Variants in CNTNAP5 observed in about 807,000 individuals in gnomAD.
CNTNAP5 encodes the protein contactin associated protein family member 5.
In CNTNAP5, 72 loss-of-function variants were observed where a neutral mutation model predicts 150.2. The ratio of observed to expected loss-of-function variants is 0.48; its 90% CI spans 0.40 to 0.58. The LOEUF (loss-of-function observed/expected upper bound fraction) is 0.58, where lower values mean the gene tolerates loss of function less well. Among genes scored for constraint, CNTNAP5 ranks in the 20% least tolerant of loss-of-function variants. The pLI is 0.00. For synonymous variants in CNTNAP5, 672 were observed against 619.8 expected (o/e 1.08, Z -1.25); for missense variants, 1,636 against 1,626.2 (o/e 1.01, Z -0.10).
chr2:124,044,889 AACACACAC>A (rs147761848), intron 1 of CNTNAP5, among the ~76,000 whole-genome samples: 29,039 of 143,928 alleles, frequency 0.2, 2,919 homozygotes, highest in Non-Finnish European at 0.21. Context: ...GTAGTGAGGA[AACACACAC>A]ACACACACAC....
In CNTNAP5 at chr2:124,246,455, G is replaced by A. The variant is rs146378975; in HGVS notation, c.381+4062G>A. 3.4e-3 allele frequency among the ~76,000 whole-genome samples: 518 copies of A among 152,172 alleles called. 3 individuals carry two copies. The highest frequency in any genetic ancestry group is 0.011 in the African/African-American group (444 of 41,522). On this transcript the variant is annotated intron_variant, in intron 3 of 23. Transcript: ENST00000682447. ...GGGACAAACCCTGCAACAATGTTCA[G>A]AATCTTAGCAGCTCCAAAACCTCTT...
At chr2:124,854,225 G>C (rs892596909) in intron 19 of CNTNAP5, among the ~76,000 whole-genome samples, 3 of 151,882 alleles carry the variant, frequency 2.0e-5, no homozygotes, top group Non-Finnish European at 4.4e-5. Flanking sequence ...CTGCTTATAC[G>C]TCCATTCCTC....
chr2:124,509,138 C>G (rs963537070), intron 8 of CNTNAP5, among the ~76,000 whole-genome samples: 1 of 152,174 alleles, frequency 6.6e-6, no homozygotes, highest in Non-Finnish European at 1.5e-5. Context: ...AATGATGCCT[C>G]ACACCTTCAA....
At chr2:124,209,168 A>C (rs549041228) in intron 1 of CNTNAP5, among the ~76,000 whole-genome samples, 25 of 152,276 alleles carry the variant, frequency 1.6e-4, no homozygotes, top group African/African-American at 5.8e-4. Flanking sequence ...TCAAGGCCCT[A>C]CACAACCAGG....
At chr2:124,070,622 CAAAGT>C (rs1346660196) in intron 1 of CNTNAP5, among the ~76,000 whole-genome samples, 1 of 151,606 alleles carries the variant, frequency 6.6e-6, no homozygotes, top group South Asian at 2.1e-4. Flanking sequence ...ATAATGATAA[CAAAGT>C]AAATACAGGA....
chr2:124,150,669 AAAAG>A (rs1225805585), intron 1 of CNTNAP5, among the ~76,000 whole-genome samples: 2 of 152,152 alleles, frequency 1.3e-5, no homozygotes, highest in Non-Finnish European at 2.9e-5. Flanking sequence ...GAGAAAAAGA[AAAAG>A]AAAGAGAAAG....
chr2:124,479,808 T>TC (rs1693724908), intron 7 of CNTNAP5, among the ~76,000 whole-genome samples: 1 of 152,164 alleles, frequency 6.6e-6, no homozygotes, highest in Non-Finnish European at 1.5e-5. Flanking sequence ...AGGTTGTTCA[T>TC]CCCCACTCCA....
At chr2:124,873,224 C>T (rs550602717) in intron 21 of CNTNAP5, among the ~76,000 whole-genome samples, 3 of 151,968 alleles carry the variant, frequency 2.0e-5, no homozygotes, top group African/African-American at 7.3e-5. Context: ...AGGTGCCACA[C>T]AATTTTAAAC....
At chr2:124,437,316 T>A (rs1692556363) in intron 5 of CNTNAP5, among the ~76,000 whole-genome samples, 1 of 152,150 alleles carries the variant, frequency 6.6e-6, no homozygotes, top group Admixed American at 6.5e-5. Flanking sequence ...GGGGTATATT[T>A]ACAGAATATT....
At chr2:124,040,703 A>G (rs975748034) in intron 1 of CNTNAP5, among the ~76,000 whole-genome samples, 1 of 150,998 alleles carries the variant, frequency 6.6e-6, no homozygotes, top group South Asian at 2.1e-4. Flanking sequence ...CATCTTTGGT[A>G]GAGAGCTTTT....
chr2:124,292,152 T>G (rs1688310822), intron 3 of CNTNAP5, among the ~76,000 whole-genome samples: 1 of 152,096 alleles, frequency 6.6e-6, no homozygotes, highest in Non-Finnish European at 1.5e-5. Context: ...AATTACATAT[T>G]TTTTCCTTTA....
intron 13 of CNTNAP5, among the ~76,000 whole-genome samples, chr2:124,685,596 A>G (rs754596702): frequency 6.6e-6 from 1 of 152,078 alleles, no homozygotes; most frequent in Non-Finnish European, 1.5e-5. Context: ...TAAAATCTGG[A>G]TTTTCAGTAG....
At chr2:124,422,747 C>T (rs1260841793) in intron 4 of CNTNAP5, among the ~76,000 whole-genome samples, 5 of 152,214 alleles carry the variant, frequency 3.3e-5, no homozygotes, top group Non-Finnish European at 7.3e-5. Context: ...TCTGGGCTTG[C>T]ATGCTTCCAA....
At chr2:124,326,898 A>G (rs1042023257) in intron 3 of CNTNAP5, among the ~76,000 whole-genome samples, 7 of 151,424 alleles carry the variant, frequency 4.6e-5, no homozygotes, top group African/African-American at 1.2e-4. Context: ...GATCCTGGGA[A>G]GTAGAGGTTA....
chr2:124,514,604 A>T (rs140162405), intron 8 of CNTNAP5, among the ~76,000 whole-genome samples: 1 of 152,176 alleles, frequency 6.6e-6, no homozygotes, highest in South Asian at 2.1e-4. Context: ...AAGAGACAGT[A>T]AAGAGGCATT....
At chr2:124,026,821 G>A (rs774926406) in intron 1 of CNTNAP5, among the ~76,000 whole-genome samples, 1 of 152,178 alleles carries the variant, frequency 6.6e-6, no homozygotes, top group African/African-American at 2.4e-5. Flanking sequence ...AGAACAGTAG[G>A]AAGATTACTT....
chr2:124,338,333 C>A (rs994019815), intron 3 of CNTNAP5, among the ~76,000 whole-genome samples: 1 of 152,174 alleles, frequency 6.6e-6, no homozygotes, highest in African/African-American at 2.4e-5. Context: ...TTGATTTCCT[C>A]TTTTCCTAAT....
At chr2:124,825,507 G>T (rs1682574849) in intron 19 of CNTNAP5, among the ~76,000 whole-genome samples, 1 of 152,162 alleles carries the variant, frequency 6.6e-6, no homozygotes, top group Admixed American at 6.5e-5. Context: ...CTTATACTGT[G>T]GGTGGAGTGA....
At chr2:124,667,061 G>A (rs893673891) in intron 13 of CNTNAP5, among the ~76,000 whole-genome samples, 2 of 152,182 alleles carry the variant, frequency 1.3e-5, no homozygotes, top group Non-Finnish European at 2.9e-5. Context: ...GTTAGAGATG[G>A]GTAGAAGTCC....
Sources: allele counts gnomAD v4.1 joint callset (sites outside exome capture counted in the v4.1 genomes callset), GRCh38; gene constraint gnomAD v4.1.1; transcripts MANE v1.5; gene names NCBI Gene and HGNC (gene_info 2026-07-23, HGNC 2026-07-21).